The following ANK2 variants were observed in gnomAD, a reference collection of about 807,000 sequenced individuals.
ANK2 encodes the protein ankyrin-2.
ANK2 carries 83 observed loss-of-function variants against 360.5 expected under a neutral mutation model. The observed-to-expected ratio is 0.23, with a 90% CI of 0.19 to 0.28. The LOEUF (loss-of-function observed/expected upper bound fraction) is 0.28, where lower values mean the gene tolerates loss of function less well. ANK2 is among the 10% of genes least tolerant of loss of function. The pLI is 1.00. For missense variants in ANK2, 4,201 were observed against 4,795.7 expected (o/e 0.88, Z 3.66); for synonymous variants, 1,740 against 1,759.5 (o/e 0.99, Z 0.28).
intron 2 of ANK2, among the ~76,000 whole-genome samples, chr4:112,985,732 A>G (rs527280340): frequency 6.6e-5 from 10 of 152,232 alleles, no homozygotes; most frequent in African/African-American, 2.4e-4. Context: ...ATTATGCTCC[A>G]TGGTTCTCCC....
chr4:112,999,914 G>C (rs1025280049), intron 2 of ANK2, among the ~76,000 whole-genome samples: 4 of 152,132 alleles, frequency 2.6e-5, no homozygotes, highest in African/African-American at 9.7e-5. Flanking sequence ...GCAATTAAGA[G>C]TGACAGAGAG....
At chr4:112,936,875 A>T (rs942796135) in intron 2 of ANK2, among the ~76,000 whole-genome samples, 4 of 152,060 alleles carry the variant, frequency 2.6e-5, no homozygotes, top group East Asian at 1.9e-4. Flanking sequence ...TGCAGCCTCA[A>T]TCTCCGGGGC....
intron 2 of ANK2, among the ~76,000 whole-genome samples, chr4:113,039,367 T>C (rs1214567437): frequency 1.3e-5 from 2 of 152,076 alleles, no homozygotes; most frequent in Admixed American, 1.3e-4. Flanking sequence ...TTTTGCCTTC[T>C]TCTCCTTTGA....
chr4:113,120,417 AT>A lies in ANK2; in HGVS notation c.85-53998del, dbSNP rs202194734. ...CCAACAAAAAATGGTTAAGTGATTT[AT>A]CAGCGTTTTCACAAATTTGCGAGAC... On this transcript the variant is annotated intron_variant, in intron 1 of 45. Transcript: ENST00000357077. 7.7e-3 allele frequency among the ~76,000 whole-genome samples: 1,168 copies of A among 152,256 alleles called. 18 individuals carry two copies. The highest frequency in any genetic ancestry group is 0.027 in the African/African-American group (1,121 of 41,538).
At chr4:113,120,409 A>T (rs2095272571) in intron 1 of ANK2, among the ~76,000 whole-genome samples, 1 of 152,054 alleles carries the variant, frequency 6.6e-6, no homozygotes, top group African/African-American at 2.4e-5. Flanking sequence ...AAAATGGTTA[A>T]GTGATTTATC....
chr4:112,879,686 G>A (rs1219585427), intron 1 of ANK2, among the ~76,000 whole-genome samples: 4 of 152,164 alleles, frequency 2.6e-5, no homozygotes, highest in Non-Finnish European at 2.9e-5. Flanking sequence ...TTTTGGAACC[G>A]TATATCTATA....
chr4:112,898,742 C>T (rs958346848), intron 1 of ANK2, among the ~76,000 whole-genome samples: 1 of 152,288 alleles, frequency 6.6e-6, no homozygotes, highest in Admixed American at 6.5e-5. Flanking sequence ...TCTTCTTTCT[C>T]CTGTCTAATG....
intron 1 of ANK2, among the ~76,000 whole-genome samples, chr4:113,134,480 A>G (rs945022265): frequency 3.9e-4 from 60 of 151,972 alleles, no homozygotes; most frequent in African/African-American, 1.4e-3. Flanking sequence ...ACATCTTTAT[A>G]CCATAGGAAA....
intron 23 of ANK2, among the ~76,000 whole-genome samples, chr4:113,305,377 C>A (rs916584052): frequency 6.7e-6 from 1 of 149,610 alleles, no homozygotes; most frequent in Non-Finnish European, 1.5e-5. Context: ...TCAGATCTGC[C>A]TATTGCATTA....
intron 45 of ANK2, among the ~76,000 whole-genome samples, chr4:113,375,253 G>A (rs765198076): frequency 9.2e-5 from 14 of 152,152 alleles, no homozygotes; most frequent in Non-Finnish European, 1.8e-4. Flanking sequence ...TCACAGAAGT[G>A]TCTTGCTTTG....
At chr4:113,240,883 A>G (rs546545259) in intron 8 of ANK2, among the ~76,000 whole-genome samples, 3 of 152,360 alleles carry the variant, frequency 2.0e-5, no homozygotes, top group African/African-American at 7.2e-5. Context: ...CTGATAAGTC[A>G]CGTCAAAAAA....
intron 1 of ANK2, among the ~76,000 whole-genome samples, chr4:113,063,981 A>T (rs1429884771): frequency 6.6e-6 from 1 of 152,210 alleles, no homozygotes; most frequent in African/African-American, 2.4e-5. Context: ...GTTGACGTAA[A>T]ACATCAAACT....
At chr4:113,097,590 T>C (rs1180535844) in intron 1 of ANK2, among the ~76,000 whole-genome samples, 2 of 152,096 alleles carry the variant, frequency 1.3e-5, no homozygotes, top group East Asian at 3.9e-4. Flanking sequence ...CATGTTCATT[T>C]CAGGAAGCAC....
chr4:112,996,352 T>G lies in ANK2; in HGVS notation c.21+91838T>G, dbSNP rs140284992. On this transcript the variant is annotated intron_variant, in intron 2 of 30. Coordinates refer to the ANK2 transcript ENST00000503271. ...ATGTTCATTATCTTAACTGTGGTGATGGCTAATGTGTAAATCATCAAATAG... is the reference window on the plus strand; with the variant it reads ...ATGTTCATTATCTTAACTGTGGTGAGGGCTAATGTGTAAATCATCAAATAG... Among the ~76,000 whole-genome samples, 833 of 152,308 alleles carry G rather than the reference T, an allele frequency of 5.5e-3. 3 individuals carry two copies. Among genetic ancestry groups the G allele is most frequent in the Middle Eastern group, 0.014 (4 of 294 alleles).
chr4:113,318,378 A>G, intron 25 of ANK2, 139 bp from the exon 26 acceptor site: 1 of 686,156 alleles, frequency 1.5e-6, no homozygotes, highest in Non-Finnish European at 2.6e-6. Flanking sequence ...ATTCATTGTA[A>G]ATACATTGGT....
the ANK2 span, among the ~76,000 whole-genome samples, chr4:112,721,541 CAAAAAAA>C: frequency 2.1e-5 from 1 of 46,874 alleles, no homozygotes; most frequent in East Asian, 7.1e-4. Context: ...GACCCCATCT[CAAAAAAA>C]AAAAAAAAAA....
At chr4:113,103,630 G>A (rs1207342392) in intron 1 of ANK2, among the ~76,000 whole-genome samples, 1 of 152,072 alleles carries the variant, frequency 6.6e-6, no homozygotes, top group East Asian at 1.9e-4. Context: ...GACTGCTTTT[G>A]TACTTTTGAA....
At chr4:112,812,774 G>A in the ANK2 span, among the ~76,000 whole-genome samples, 12 of 152,268 alleles carry the variant, frequency 7.9e-5, no homozygotes, top group Non-Finnish European at 1.3e-4. Flanking sequence ...GCCTCTCCAC[G>A]TTGATTCCTG....
chr4:112,749,322 G>C, the ANK2 span, among the ~76,000 whole-genome samples: 1 of 152,200 alleles, frequency 6.6e-6, no homozygotes, highest in Admixed American at 6.5e-5. Context: ...GGGAGGAAAA[G>C]CCTGAGTCTC....
Sources: gnomAD v4.1 joint callset for allele counts (sites outside exome capture counted in the v4.1 genomes callset) on GRCh38, gnomAD v4.1.1 for gene constraint, MANE v1.5 for transcripts, NCBI Gene and HGNC (gene_info 2026-07-23, HGNC 2026-07-21) for gene names.